The following NIPBL variants were observed in gnomAD, a reference collection of about 807,000 sequenced individuals.
NIPBL encodes the protein nipped-B-like protein.
A neutral mutation model predicts 321.8 loss-of-function variants in NIPBL; 19 were observed. That is an observed-to-expected ratio of 0.06 (90% CI 0.04 to 0.09). NIPBL has a LOEUF of 0.09. NIPBL is among the 10% of genes least tolerant of loss of function. The pLI is 1.00. For synonymous variants in NIPBL, 1,106 were observed against 1,114.1 expected (o/e 0.99, Z 0.14); for missense variants, 2,210 against 3,327.0 (o/e 0.66, Z 8.26).
intron 32 of NIPBL, among the ~76,000 whole-genome samples, chr5:37,033,171 T>C (rs1751263321): frequency 6.6e-6 from 1 of 152,100 alleles, no homozygotes; most frequent in Non-Finnish European, 1.5e-5. Context: ...CAGATAAAAC[T>C]ACAAAACCTA....
At chr5:36,891,607 C>T (rs1302975684) in intron 1 of NIPBL, among the ~76,000 whole-genome samples, 1 of 151,886 alleles carries the variant, frequency 6.6e-6, no homozygotes, top group Admixed American at 6.6e-5. Flanking sequence ...AAGGGGCATG[C>T]CAAAAAGGTC....
At position 36,976,377 on chromosome 5, in the gene NIPBL, C is replaced by T; in HGVS notation, c.1470C>T (p.Arg490=). 1 of 1,609,148 alleles carries T rather than the reference C, an allele frequency of 6.2e-7. No individual in the cohort carries two copies. Among genetic ancestry groups the T allele is most frequent in the Non-Finnish European group, 8.5e-7 (1 of 1,179,750 alleles). The change falls in exon 9 of 47, where the codon CGC becomes CGT. Residue 490 remains arginine (R), a synonymous_variant. Coordinates refer to ENST00000282516, the MANE Select transcript of NIPBL (RefSeq NM_133433.4). ...IERESAIERE[R]FSKEVQDKDK... ...GAGAATCAGCTATTGAAAGGGAGCG[C>T]TTCTCAAAAGAAGTTCAAGATAAAG...
In NIPBL at chr5:36,959,895, A is replaced by AT. The variant is rs902249976; in HGVS notation, c.359-1578dup. Among the ~76,000 whole-genome samples the AT allele has an allele frequency of 4.0e-3, 594 of 148,202 alleles. 2 individuals are homozygous for AT. Among genetic ancestry groups the AT allele is most frequent in the Middle Eastern group, 0.01 (3 of 290 alleles). Reference sequence around the variant, plus strand: ...AAAATTAATCAATTAATTGCATGTTATTTTTTTTTTTAAAGCATTTTCCTG... The same window carrying AT: ...AAAATTAATCAATTAATTGCATGTTATTTTTTTTTTTTAAAGCATTTTCCTG... On this transcript the variant is annotated intron_variant, in intron 4 of 46. Coordinates refer to ENST00000282516, the MANE Select transcript of NIPBL (RefSeq NM_133433.4).
intron 10 of NIPBL, among the ~76,000 whole-genome samples, chr5:36,986,663 A>T (rs1024834365): frequency 6.6e-6 from 1 of 152,204 alleles, no homozygotes; most frequent in African/African-American, 2.4e-5. Flanking sequence ...AAAATGTCTT[A>T]CAATACTACA....
intron 9 of NIPBL, 150 bp downstream of exon 9, chr5:36,976,552 A>G (rs941820598): frequency 4.5e-5 from 33 of 738,192 alleles, no homozygotes; most frequent in African/African-American, 4.1e-4. Flanking sequence ...CTCATAATGC[A>G]GAAGTTAAAT....
chr5:37,035,654 A>G (rs1017753070), intron 32 of NIPBL, among the ~76,000 whole-genome samples: 2 of 152,246 alleles, frequency 1.3e-5, no homozygotes, highest in African/African-American at 4.8e-5. Flanking sequence ...TTGGACAGCA[A>G]AGATATAGAA....
chr5:36,932,778 GTTT>G (rs35264312), intron 1 of NIPBL, among the ~76,000 whole-genome samples: 3 of 69,834 alleles, frequency 4.3e-5, no homozygotes, highest in East Asian at 4.2e-4. Flanking sequence ...TTCCTCTGCT[GTTT>G]TTTTTTTTTT....
chr5:36,892,282 G>A (rs1746390361), intron 1 of NIPBL, among the ~76,000 whole-genome samples: 1 of 152,132 alleles, frequency 6.6e-6, no homozygotes, highest in Non-Finnish European at 1.5e-5. Flanking sequence ...AAAAAGTCAG[G>A]AAACAACAGG....
At chr5:36,989,867 G>C (rs569754734) in intron 10 of NIPBL, among the ~76,000 whole-genome samples, 10 of 149,178 alleles carry the variant, frequency 6.7e-5, no homozygotes, top group African/African-American at 2.2e-4. Context: ...AAAAAAATTG[G>C]CATAATCATC....
Position 37,020,501 on chromosome 5 carries a change from A to C in NIPBL, c.5053A>C (p.Thr1685Pro). ...FYIAQWFRDT[T>P]LETEKAMKSQ... Reference sequence around the variant, plus strand: ...TATAGCCCAGTGGTTTCGAGACACAACTCTGGAAACAGAAAAAGCAATGAA... The same window carrying C: ...TATAGCCCAGTGGTTTCGAGACACACCTCTGGAAACAGAAAAAGCAATGAA... The change falls in exon 26 of 47, where the codon ACT (threonine) becomes CCT (proline). Residue 1685 changes from threonine to proline, a missense_variant. Transcript: ENST00000282516. The C allele has an allele frequency of 6.2e-7, 1 of 1,613,970 alleles. No individual in the cohort carries two copies. The highest frequency in any genetic ancestry group is 8.5e-7 in the Non-Finnish European group (1 of 1,179,874).
intron 1 of NIPBL, among the ~76,000 whole-genome samples, chr5:36,902,969 G>A (rs1249692143): frequency 6.6e-6 from 1 of 151,834 alleles, no homozygotes. Context: ...AATTCTCATT[G>A]TAGAGATCTT....
intron 1 of NIPBL, among the ~76,000 whole-genome samples, chr5:36,923,662 C>T (rs1319883748): frequency 6.6e-6 from 1 of 152,150 alleles, no homozygotes; most frequent in Non-Finnish European, 1.5e-5. Context: ...TCTGCAGTCA[C>T]AGAAGTAGTC....
intron 11 of NIPBL, among the ~76,000 whole-genome samples, chr5:36,999,911 C>T (rs1746591983): frequency 6.6e-6 from 1 of 152,116 alleles, no homozygotes; most frequent in Non-Finnish European, 1.5e-5. Context: ...CATGGTTACC[C>T]ATATTCTGTA....
chr5:36,960,000 G>T (rs1323524891), intron 4 of NIPBL, among the ~76,000 whole-genome samples: 14 of 151,994 alleles, frequency 9.2e-5, no homozygotes, highest in Non-Finnish European at 2.1e-4. Flanking sequence ...GGGAGGCCAA[G>T]GTAGGAGGAT....
At chr5:36,957,245 A>G (rs909890475) in intron 3 of NIPBL, among the ~76,000 whole-genome samples, 15 of 152,192 alleles carry the variant, frequency 9.9e-5, no homozygotes, top group African/African-American at 3.6e-4. Flanking sequence ...TGTGAAGTGT[A>G]TTGAAATTTG....
chr5:37,008,581 T>G, intron 19 of NIPBL, 42 bp from the exon 20 acceptor site: 1 of 1,027,754 alleles, frequency 9.7e-7, no homozygotes, highest in South Asian at 1.3e-5. Context: ...TGGTTTGTTT[T>G]CTATTATAAG....
At chr5:37,038,956 G>A (rs1176261322) in intron 34 of NIPBL, among the ~76,000 whole-genome samples, 3 of 152,140 alleles carry the variant, frequency 2.0e-5, no homozygotes. Flanking sequence ...CAAACCCTCA[G>A]TAGATGCTTA....
chr5:36,931,009 C>G (rs1749734276), intron 1 of NIPBL, among the ~76,000 whole-genome samples: 1 of 152,086 alleles, frequency 6.6e-6, no homozygotes, highest in African/African-American at 2.4e-5. Flanking sequence ...CTTGCATTGT[C>G]TCTGTCTGGC....
intron 16 of NIPBL, among the ~76,000 whole-genome samples, chr5:37,005,733 C>CT (rs1321937759): frequency 1.3e-5 from 2 of 152,084 alleles, no homozygotes; most frequent in African/African-American, 4.8e-5. Flanking sequence ...AGGATTTTTA[C>CT]TTTAACAGTG....
Sources: gnomAD v4.1 joint callset for allele counts (sites outside exome capture counted in the v4.1 genomes callset) on GRCh38, gnomAD v4.1.1 for gene constraint, MANE v1.5 for transcripts, NCBI Gene and HGNC (gene_info 2026-07-23, HGNC 2026-07-21) for gene names.